EIF4H: variants seen among roughly 807,000 people sequenced by gnomAD.
EIF4H encodes the protein Williams-Beuren syndrome chromosome region 1.
EIF4H carries 8 observed loss-of-function variants against 30.6 expected under a neutral mutation model. The observed-to-expected ratio is 0.26, with a 90% confidence interval of 0.15 to 0.47. The LOEUF (loss-of-function observed/expected upper bound fraction) is 0.47. Among genes scored for constraint, EIF4H ranks in the 20% least tolerant of loss-of-function variants. The probability of loss-of-function intolerance (pLI) is 0.99; values close to 1 mark genes in which losing one functional copy is unlikely to be tolerated. For missense variants in EIF4H, 188 were observed against 339.5 expected, an observed-to-expected ratio of 0.55 and a Z score of 3.51; for synonymous variants, 106 against 122.7, an observed-to-expected ratio of 0.86 and a Z score of 0.90.
rs782484674 is a variant in EIF4H at position 74,195,148 on chromosome 7, ACT to A, written c.608-18_608-17del. 12 of 1,612,830 alleles carry A rather than the reference ACT, an allele frequency of 7.4e-6. No individual in the cohort carries two copies. Among genetic ancestry groups the A allele is most frequent in the Admixed American group, 5.0e-5 (3 of 59,882 alleles). On this transcript the variant is annotated intron_variant, in intron 6 of 6. Transcript: ENST00000265753. ...TGGAATGGGATCCACACTCTGACAA[ACT>A]CTGCTTTTTCTCCCCCAGAGGAAAG...
rs781852143 is a variant in EIF4H at position 74,174,450 on chromosome 7, G to A, written c.59+8G>A. On this transcript the variant is annotated splice_region_variant and intron_variant, in intron 1 of 6. Coordinates refer to ENST00000265753, the MANE Select transcript of EIF4H (RefSeq NM_022170.2). The stretch of plus-strand genomic sequence containing the variant: ...CTTCGGCGGCGGCAGAGGGTGAGGC[G>A]GGCGTGCGCGGGCCCCGTCGGGGGC... The A allele has an allele frequency of 4.2e-6, 6 of 1,426,802 alleles. No homozygotes were observed. In the South Asian group the frequency reaches 6.1e-5, roughly 14 times the overall value. The allele number at this position is 1,426,802 out of a possible 1,614,324, so 88.4% of individuals were successfully genotyped here.
chr7:74,175,491 T>C (rs1800817703), intron 1 of EIF4H, among the ~76,000 whole-genome samples: 1 of 152,140 alleles, frequency 6.6e-6, no homozygotes, highest in African/African-American at 2.4e-5. Flanking sequence ...TTTAATACCT[T>C]GGTTTGGGAA....
At chr7:74,194,120 G>A (rs560093487) in intron 5 of EIF4H, among the ~76,000 whole-genome samples, 4 of 152,332 alleles carry the variant, frequency 2.6e-5, no homozygotes, top group African/African-American at 9.6e-5. Context: ...CACAGGAGGC[G>A]CCGGTGGGGG....
chr7:74,195,145 CA>C (rs1554710518), intron 6 of EIF4H, 23 bp from the exon 7 acceptor site: 1 of 1,612,660 alleles, frequency 6.2e-7, no homozygotes, highest in East Asian at 2.2e-5. Flanking sequence ...CACACTCTGA[CA>C]AACTCTGCTT....
Position 74,195,419 on chromosome 7 carries a change from C to G in EIF4H, c.*111C>G. Reference sequence around the variant, plus strand: ...CACTCCTGCGCCTGCCATTGGCCTCCTCACAGCGGAAACACAGCTTGTGAG... The same window carrying G: ...CACTCCTGCGCCTGCCATTGGCCTCGTCACAGCGGAAACACAGCTTGTGAG... On this transcript the variant is annotated 3_prime_UTR_variant, in exon 7 of 7. Transcript: ENST00000265753. 7.8e-7 allele frequency: 1 copy of G among 1,280,242 alleles called. No homozygotes were observed. Among genetic ancestry groups the G allele is most frequent in the Non-Finnish European group, 1.1e-6 (1 of 937,006 alleles). 79.3% of individuals were successfully genotyped at this position (1,280,242 alleles called of 1,614,324 possible).
At chr7:74,189,269 A>G (rs1286132539) in intron 2 of EIF4H, among the ~76,000 whole-genome samples, 1 of 152,218 alleles carries the variant, frequency 6.6e-6, no homozygotes, top group African/African-American at 2.4e-5. Context: ...AGTAAGTTAA[A>G]TCGGCACTTT....
chr7:74,196,764 A>G lies in EIF4H; in HGVS notation c.*1456A>G, dbSNP rs2116010086. ...TGTGTCTTGTTACAAGGCCTCAGCA[A>G]TCCACAGAACTCTCTCTCCTTCCTT... On this transcript the variant is annotated 3_prime_UTR_variant, in exon 7 of 7. Transcript: ENST00000265753. The G allele has an allele frequency of 6.6e-6, 1 of 151,036 alleles. No individual in the cohort carries two copies. The highest frequency in any genetic ancestry group is 1.9e-4 in the East Asian group (1 of 5,154). 9.4% of individuals were successfully genotyped at this position (151,036 alleles called of 1,614,324 possible).
Position 74,189,656 on chromosome 7 carries a change from C to CTT in EIF4H, c.248-16_248-15dup, listed in dbSNP as rs782399660. 1.9e-6 allele frequency: 3 copies of CTT among 1,612,416 alleles called. No individual in the cohort carries two copies. The highest frequency in any genetic ancestry group is 1.7e-5 in the Admixed American group (1 of 59,844). ...CAGAATTACTTGAGGAAATCGGGGT[C>CTT]TTCTTTTCTTTTCCAGGATTCTGCT... On this transcript the variant is annotated splice_polypyrimidine_tract_variant and intron_variant, in intron 2 of 6. Coordinates refer to ENST00000265753, the MANE Select transcript of EIF4H (RefSeq NM_022170.2).
At chr7:74,185,088 T>C (rs1247307497) in intron 1 of EIF4H, among the ~76,000 whole-genome samples, 1 of 152,064 alleles carries the variant, frequency 6.6e-6, no homozygotes, top group Non-Finnish European at 1.5e-5. Flanking sequence ...CCTCCTGGGC[T>C]CAGGTGATCC....
chr7:74,191,644 A>G (rs1206234342), intron 5 of EIF4H, among the ~76,000 whole-genome samples: 1 of 152,212 alleles, frequency 6.6e-6, no homozygotes, highest in African/African-American at 2.4e-5. Context: ...AAAAAACAAA[A>G]TAGAGCAACA....
chr7:74,187,224 G>GT (rs1801104606), intron 1 of EIF4H, among the ~76,000 whole-genome samples: 1 of 152,134 alleles, frequency 6.6e-6, no homozygotes, highest in African/African-American at 2.4e-5. Context: ...GAGGTCAGAA[G>GT]TTGGAGACCA....
At chr7:74,177,944 CAT>C (rs1800877156) in intron 1 of EIF4H, among the ~76,000 whole-genome samples, 1 of 152,072 alleles carries the variant, frequency 6.6e-6, no homozygotes, top group African/African-American at 2.4e-5. Context: ...GAGTTAGAAA[CAT>C]GTATTTATTT....
rs188553382 is a variant in EIF4H, at chr7:74,176,741, C to T, written c.59+2299C>T. Among the ~76,000 whole-genome samples the T allele has an allele frequency of 3.1e-4, 47 of 152,234 alleles. 1 individual carries two copies. Among genetic ancestry groups the T allele is most frequent in the Admixed American group, 2.4e-3 (37 of 15,296 alleles). ...GTATTGAACCACTGCTTTTTTCCCCCGAGCCTGTAAGGGCATGTCCCCAGC... is the reference window on the plus strand; with the variant it reads ...GTATTGAACCACTGCTTTTTTCCCCTGAGCCTGTAAGGGCATGTCCCCAGC... On this transcript the variant is annotated intron_variant, in intron 1 of 6. Coordinates refer to ENST00000265753, the MANE Select transcript of EIF4H (RefSeq NM_022170.2).
intron 5 of EIF4H, among the ~76,000 whole-genome samples, chr7:74,193,504 T>A (rs543071499): frequency 6.6e-6 from 1 of 152,244 alleles, no homozygotes; most frequent in Admixed American, 6.5e-5. Context: ...CCCTGAAAGC[T>A]TGGAGCCTTG....
At chr7:74,179,632 A>C (rs889525095) in intron 1 of EIF4H, among the ~76,000 whole-genome samples, 13 of 5,690 alleles carry the variant, frequency 2.3e-3, no homozygotes, top group African/African-American at 6.0e-3. Context: ...ACTCTGTATC[A>C]AAAAAAAAAA....
rs782815252 is a variant in EIF4H at position 74,188,640 on chromosome 7, T to A, written c.247+842T>A. Among the ~76,000 whole-genome samples, 7 of 152,274 alleles carry A rather than the reference T, an allele frequency of 4.6e-5. No homozygotes were observed. The South Asian group carries it at 1.5e-3, about 32-fold the overall frequency. ...AAAACAAATATATCAGTTACACTTG[T>A]GAAGTAAGCTCCAGGAAGCATTAGG... is the stretch of plus-strand genomic sequence containing the variant. On this transcript the variant is annotated intron_variant, in intron 2 of 6. Coordinates refer to ENST00000265753, the MANE Select transcript of EIF4H (RefSeq NM_022170.2).
At position 74,174,436 on chromosome 7, in the gene EIF4H, G is replaced by A; in HGVS notation, c.53G>A (p.Gly18Asp). 6.9e-7 allele frequency: 1 copy of A among 1,443,454 alleles called. No individual in the cohort carries two copies. The highest frequency in any genetic ancestry group is 1.4e-5 in the South Asian group (1 of 69,474). 89.4% of individuals were successfully genotyped at this position (1,443,454 alleles called of 1,614,324 possible). Residue 18 changes from glycine to aspartate, a missense_variant, in exon 1 of 7, where the codon GGC (glycine) becomes GAC (aspartate). Physicochemically the swap from Gly to Asp is moderately conservative, Grantham distance 94. This residue lies in a region of EIF4H where 43 missense variants were observed against 43.4 expected (regional missense o/e 0.99). Transcript: ENST00000265753. ...CGGGCCTACAGCAGCTTCGGCGGCG[G>A]CAGAGGGTGAGGCGGGCGTGCGCGG... Reference protein sequence around the residue: ...DDRAYSSFGGGRGSRGSAGGH... With the variant: ...DDRAYSSFGGDRGSRGSAGGH...
At chr7:74,180,251 T>A (rs1324598888) in intron 1 of EIF4H, among the ~76,000 whole-genome samples, 7 of 152,198 alleles carry the variant, frequency 4.6e-5, no homozygotes, top group Non-Finnish European at 8.8e-5. Flanking sequence ...CTTAACTTCA[T>A]TTTTAAAAAA....
rs973990102 is a variant in EIF4H at position 74,192,101 on chromosome 7, G to A, written c.469+1795G>A. On this transcript the variant is annotated intron_variant, in intron 5 of 6. Transcript: ENST00000265753. ...GCCCCCACCAACAGATTTGATGAGAGATCCTTGTTCATCTGCTTCACCAGC... is the reference window on the plus strand; with the variant it reads ...GCCCCCACCAACAGATTTGATGAGAAATCCTTGTTCATCTGCTTCACCAGC... Among the ~76,000 whole-genome samples the A allele has an allele frequency of 2.0e-5, 3 of 152,164 alleles. No individual in the cohort carries two copies. The East Asian group carries it at 5.8e-4, about 29-fold the overall frequency.
Sources: gnomAD v4.1 joint callset for allele counts (sites outside exome capture counted in the v4.1 genomes callset) on GRCh38, gnomAD v4.1.1 for gene constraint, gnomAD v4.1.1 regional missense constraint, MANE v1.5 for transcripts, NCBI Gene and HGNC (gene_info 2026-07-23, HGNC 2026-07-21) for gene names.